NKTR: variants seen among roughly 807,000 people sequenced by gnomAD.
NKTR encodes natural killer cell triggering receptor, also known as NK-tumor recognition protein.
Under a neutral mutation model 156.3 loss-of-function variants are expected in NKTR, and 67 were observed. The ratio of observed to expected loss-of-function variants is 0.43; its 90% confidence interval spans 0.35 to 0.53. The LOEUF (loss-of-function observed/expected upper bound fraction) is 0.53, where lower values mean the gene tolerates loss of function less well. Among genes scored for constraint, NKTR ranks in the 20% least tolerant of loss-of-function variants. The pLI is 0.01. For missense variants in NKTR, 1,604 were observed against 1,730.9 expected, an observed-to-expected ratio of 0.93 and a Z score of 1.30; for synonymous variants, 640 against 596.6, an observed-to-expected ratio of 1.07 and a Z score of -1.06.
chr3:42,624,246 G>A (rs960571459), intron 6 of NKTR, among the ~76,000 whole-genome samples: 1 of 151,462 alleles, frequency 6.6e-6, no homozygotes, highest in Non-Finnish European at 1.5e-5. Flanking sequence ...TTTTGCTCTC[G>A]GGGGTCTATA....
At chr3:42,624,131 T>C (rs1708156338) in intron 6 of NKTR, among the ~76,000 whole-genome samples, 1 of 152,120 alleles carries the variant, frequency 6.6e-6, no homozygotes, top group African/African-American at 2.4e-5. Context: ...ATTGCTTTCT[T>C]TGGCTGGAAC....
intron 2 of NKTR, among the ~76,000 whole-genome samples, chr3:42,608,083 G>T (rs565563918): frequency 7.2e-5 from 10 of 138,420 alleles, no homozygotes; most frequent in African/African-American, 2.5e-4. Context: ...TCCGCCTCCC[G>T]GGTTCAAGAG....
intron 2 of NKTR, among the ~76,000 whole-genome samples, chr3:42,615,796 T>C (rs1322009581): frequency 6.6e-6 from 1 of 152,326 alleles, no homozygotes; most frequent in East Asian, 1.9e-4. Context: ...CTGATCAAAA[T>C]ACATTTATTA....
chr3:42,604,570 G>C (rs1706004026), intron 2 of NKTR, among the ~76,000 whole-genome samples: 2 of 143,070 alleles, frequency 1.4e-5, no homozygotes, highest in South Asian at 4.5e-4. Context: ...TATCTTTGCT[G>C]ATTTTCTACT....
intron 6 of NKTR, among the ~76,000 whole-genome samples, chr3:42,626,145 T>G (rs1708363851): frequency 6.6e-6 from 1 of 150,738 alleles, no homozygotes; most frequent in African/African-American, 2.5e-5. Context: ...TCTTCTGTAC[T>G]ACTTTACACC....
At chr3:42,605,681 C>A (rs1339887420) in intron 2 of NKTR, among the ~76,000 whole-genome samples, 1 of 152,116 alleles carries the variant, frequency 6.6e-6, no homozygotes, top group Non-Finnish European at 1.5e-5. Context: ...CTGGTTTGTT[C>A]TGAGGGAATA....
chr3:42,605,162 T>C (rs965641857), intron 2 of NKTR, among the ~76,000 whole-genome samples: 1 of 152,214 alleles, frequency 6.6e-6, no homozygotes, highest in Non-Finnish European at 1.5e-5. Context: ...GCCTCAGATA[T>C]GAATATAGTT....
chr3:42,630,595 T>C lies in NKTR; in HGVS notation c.404+20T>C. ...GGATGGGTAAGAGTTACATTCTTAC[T>C]ACATTGGGGAAGTGTTTGGGTGGCC... On this transcript the variant is annotated intron_variant, in intron 7 of 16. Transcript: ENST00000232978. The C allele has an allele frequency of 6.2e-7, 1 of 1,613,742 alleles. No individual in the cohort carries two copies. The highest frequency in any genetic ancestry group is 8.5e-7 in the Non-Finnish European group (1 of 1,179,768).
At chr3:42,625,486 A>G (rs757815522) in intron 6 of NKTR, among the ~76,000 whole-genome samples, 1 of 152,178 alleles carries the variant, frequency 6.6e-6, no homozygotes, top group Admixed American at 6.6e-5. Flanking sequence ...CTGACTTGCA[A>G]GTACCTGAAT....
intron 6 of NKTR, among the ~76,000 whole-genome samples, chr3:42,623,423 C>T (rs1327633402): frequency 6.6e-6 from 1 of 152,012 alleles, no homozygotes; most frequent in Non-Finnish European, 1.5e-5. Context: ...ATTTAATCCT[C>T]CTATATTTTT....
Position 42,643,971 on chromosome 3 carries a change from C to T in NKTR, c.4269C>T (p.Tyr1423=). The change falls in exon 16 of 17, where the codon TAC becomes TAT. Residue 1423 remains tyrosine, a synonymous_variant. Coordinates refer to ENST00000232978, the MANE Select transcript of NKTR (RefSeq NM_005385.4). The part of the protein sequence containing the change: ...SRSRSQRSDS[Y]HRGRSYNRRS... ...GTAGAAGCCAGAGAAGTGACAGTTA[C>T]CACCGAGGCAGAAGTTATAATCGGC... 1 of 1,614,002 alleles carries T rather than the reference C, an allele frequency of 6.2e-7. No homozygotes were observed. The highest frequency in any genetic ancestry group is 2.2e-5 in the East Asian group (1 of 44,878).
chr3:42,618,970 G>A (rs1476319505), intron 3 of NKTR, 50 bp from the exon 4 acceptor site: 9 of 1,448,674 alleles, frequency 6.2e-6, no homozygotes, highest in African/African-American at 2.9e-5. Context: ...TTCCATGGAA[G>A]GATGTATAAA....
chr3:42,632,576 T>A, intron 8 of NKTR, 25 bp from the exon 9 acceptor site: 1 of 1,451,214 alleles, frequency 6.9e-7, no homozygotes, highest in Non-Finnish European at 9.6e-7. Flanking sequence ...TTAGTACTAA[T>A]GTTTTTATTA....
intron 2 of NKTR, among the ~76,000 whole-genome samples, chr3:42,613,836 C>T (rs770777096): frequency 5.3e-5 from 8 of 152,056 alleles, no homozygotes; most frequent in Admixed American, 2.0e-4. Context: ...TTGGTATTTT[C>T]GGATTAAATT....
intron 2 of NKTR, among the ~76,000 whole-genome samples, chr3:42,610,038 T>C (rs1195595392): frequency 2.0e-5 from 3 of 152,080 alleles, no homozygotes; most frequent in Admixed American, 1.3e-4. Context: ...AGTTTCGCTC[T>C]TGTTGCCCAG....
intron 6 of NKTR, among the ~76,000 whole-genome samples, chr3:42,624,493 T>C (rs1708195231): frequency 6.6e-6 from 1 of 152,128 alleles, no homozygotes; most frequent in Non-Finnish European, 1.5e-5. Context: ...GCTGGAATTA[T>C]AAAGTCATAG....
intron 6 of NKTR, among the ~76,000 whole-genome samples, chr3:42,622,030 C>T (rs762914945): frequency 1.8e-4 from 27 of 151,842 alleles, no homozygotes; most frequent in Non-Finnish European, 2.7e-4. Flanking sequence ...TGCTGTTGAG[C>T]GAGCATTTTA....
chr3:42,618,224 G>A (rs979921744), intron 3 of NKTR, among the ~76,000 whole-genome samples: 3 of 151,250 alleles, frequency 2.0e-5, no homozygotes, highest in South Asian at 2.1e-4. Context: ...AGTGGCAGGC[G>A]CCTGTAATCC....
rs758439992 is a variant in NKTR, at chr3:42,632,772, A to G, written c.722A>G (p.Glu241Gly). The change falls in exon 9 of 17, where the codon GAA becomes GGA. Residue 241 changes from glutamate (E) to glycine (G), a missense_variant. Around this residue, in one of 6 missense-constraint regions of NKTR, gnomAD observed 1,255 missense variants for 1,243.7 expected, o/e 1.01. Transcript: ENST00000232978. ...KVKRSKKRRK[E>G]ASSSEEPRNK... ...AAACGTTCTAAAAAGAGGCGAAAGG[A>G]AGCAAGCAGTTCAGAAGAGCCAAGG... is the stretch of plus-strand genomic sequence containing the variant. The G allele has an allele frequency of 3.7e-6, 6 of 1,612,502 alleles. No homozygotes were observed. Among genetic ancestry groups the G allele is most frequent in the Admixed American group, 1.7e-5 (1 of 59,740 alleles).
Sources: gnomAD v4.1 joint callset for allele counts (sites outside exome capture counted in the v4.1 genomes callset) on GRCh38, gnomAD v4.1.1 for gene constraint, gnomAD v4.1.1 regional missense constraint, MANE v1.5 for transcripts, NCBI Gene and HGNC (gene_info 2026-07-23, HGNC 2026-07-21) for gene names.